FLAD1: variants seen among roughly 807,000 people sequenced by gnomAD.
FLAD1 encodes flavin adenine dinucleotide synthetase 1.
A neutral mutation model predicts 55.0 loss-of-function variants in FLAD1; 35 were observed. The observed-to-expected ratio is 0.64, with a 90% CI of 0.49 to 0.84. FLAD1 has a LOEUF of 0.84. Ranked by LOEUF, FLAD1 falls within the 40% of genes least tolerant of loss-of-function variation. FLAD1 has a pLI of 0.00. For missense variants in FLAD1, 665 were observed against 742.6 expected, an observed-to-expected ratio of 0.90 and a Z score of 1.21; for synonymous variants, 267 against 303.0, an observed-to-expected ratio of 0.88 and a Z score of 1.23.
At chr1:154,992,239 T>C (rs1657908692) in intron 5 of FLAD1, among the ~76,000 whole-genome samples, 1 of 151,210 alleles carries the variant, frequency 6.6e-6, no homozygotes, top group African/African-American at 2.4e-5. Context: ...AGTCAGGAGA[T>C]GGAGACCATC....
In FLAD1 at chr1:154,990,783, A is replaced by G. The variant is rs545715257; in HGVS notation, c.1554+255A>G. On this transcript the variant is annotated intron_variant, in intron 5 of 6. Transcript: ENST00000292180. Reference sequence around the variant, plus strand: ...ACTTGTGCTGTCCAATATAGCCATTAATTATTTATTTATACTTAAATTTTA... The same window carrying G: ...ACTTGTGCTGTCCAATATAGCCATTGATTATTTATTTATACTTAAATTTTA... 4.2e-5 allele frequency: 15 copies of G among 354,872 alleles called. No individual in the cohort carries two copies. The South Asian group carries it at 1.6e-3, about 38-fold the overall frequency. The allele number at this position is 354,872 out of a possible 1,614,324, so 22.0% of individuals were successfully genotyped here.
rs140409443 is a variant in FLAD1 at position 154,988,175 on chromosome 1, G to A, written c.443G>A (p.Arg148Gln). 5.2e-4 allele frequency: 843 copies of A among 1,614,198 alleles called. 2 individuals carry two copies. The highest frequency in any genetic ancestry group is 2.0e-3 in the South Asian group (183 of 91,082). ...CGCTCCCTAGGGGTCCAGGTTTGCC[G>A]AGTCTCAGTTGTACCTGATGAGGTA... ...TLRSLGVQVC[R>Q]VSVVPDEVAT... The change falls in exon 2 of 7, where the codon CGA becomes CAA. Residue 148 changes from arginine (R) to glutamine (Q), a missense_variant. Physicochemically the swap from Arg to Gln is conservative, Grantham distance 43. Coordinates refer to ENST00000292180, the MANE Select transcript of FLAD1 (RefSeq NM_025207.5).
chr1:154,988,517 G>A lies in FLAD1; in HGVS notation c.785G>A (p.Arg262Gln), dbSNP rs370985969. 523 of 1,614,244 alleles carry A rather than the reference G, an allele frequency of 3.2e-4. 9 individuals carry two copies. In the South Asian group the frequency reaches 5.4e-3, roughly 17 times the overall value. ...YLFPGIPELL[R>Q]RVLEGMKGLF... ...TTCCCAGGCATTCCAGAGCTGCTGC[G>A]GCGGGTGCTGGAGGGGATGAAGGGA... The change falls in exon 2 of 7, where the codon CGG becomes CAG. Residue 262 changes from arginine (R) to glutamine (Q), a missense_variant. Transcript: ENST00000292180.
At chr1:154,985,604 G>A (rs1459685850) in intron 1 of FLAD1, among the ~76,000 whole-genome samples, 1 of 150,532 alleles carries the variant, frequency 6.6e-6, no homozygotes, top group Non-Finnish European at 1.5e-5. Flanking sequence ...ATGGGGTTTC[G>A]CCATGTTGGC....
intron 5 of FLAD1, among the ~76,000 whole-genome samples, chr1:154,992,178 C>T (rs993554359): frequency 1.1e-4 from 16 of 147,770 alleles, no homozygotes; most frequent in African/African-American, 4.1e-4. Flanking sequence ...GGCATGGTGG[C>T]ACACGCCTGT....
At chr1:154,984,712 A>C (rs954373656) in intron 1 of FLAD1, among the ~76,000 whole-genome samples, 2 of 150,892 alleles carry the variant, frequency 1.3e-5, no homozygotes, top group Non-Finnish European at 3.0e-5. Flanking sequence ...CCGTCTCAAA[A>C]AAAAAAAAAA....
In FLAD1 at chr1:154,988,782, G is replaced by A. The variant is rs1338397855; in HGVS notation, c.1050G>A (p.Ser350=). 7.4e-6 allele frequency: 12 copies of A among 1,614,200 alleles called. No individual in the cohort carries two copies. The highest frequency in any genetic ancestry group is 1.6e-4 in the Middle Eastern group (1 of 6,062). Residue 350 remains serine (S), a synonymous_variant, in exon 2 of 7, where the codon TCG becomes TCA. Coordinates refer to ENST00000292180, the MANE Select transcript of FLAD1 (RefSeq NM_025207.5). ...TGACTGCCCGTTTGCCCCAGGGATCGCTGGTCCCCTACATGCCCAACGCTG... is the reference window on the plus strand; with the variant it reads ...TGACTGCCCGTTTGCCCCAGGGATCACTGGTCCCCTACATGCCCAACGCTG... The part of the protein sequence containing the change: ...AYLTARLPQG[S]LVPYMPNAVE...
chr1:154,992,556 C>T (rs929051386), intron 5 of FLAD1, 157 bp from the exon 6 acceptor site: 2 of 1,611,920 alleles, frequency 1.2e-6, no homozygotes, highest in Non-Finnish European at 8.5e-7. Flanking sequence ...TTTCTCTTTG[C>T]ATACATAGAG....
At chr1:154,985,818 T>A (rs1400347980) in intron 1 of FLAD1, among the ~76,000 whole-genome samples, 1 of 146,030 alleles carries the variant, frequency 6.8e-6, no homozygotes, top group Non-Finnish European at 1.5e-5. Flanking sequence ...CTCCGCCTCC[T>A]GGGTTCAAGC....
intron 3 of FLAD1, 57 bp from the exon 4 acceptor site, chr1:154,990,102 A>G (rs1571487994): frequency 4.4e-6 from 6 of 1,376,620 alleles, no homozygotes; most frequent in Non-Finnish European, 6.2e-6. Flanking sequence ...GAGCTGTTTC[A>G]GGGGAGCCAT....
chr1:154,984,404 G>T (rs929665483), intron 1 of FLAD1, among the ~76,000 whole-genome samples: 1 of 152,094 alleles, frequency 6.6e-6, no homozygotes, highest in Admixed American at 6.6e-5. Context: ...GGAGGTACAG[G>T]TGTGTGTATT....
At chr1:154,984,209 G>C (rs1196687966) in intron 1 of FLAD1, 143 bp downstream of exon 1, 2 of 670,092 alleles carry the variant, frequency 3.0e-6, no homozygotes, top group Admixed American at 4.0e-5. Context: ...CAGCATATTG[G>C]AGGAAAATTA....
rs755015538 is a variant in FLAD1 at position 154,992,933 on chromosome 1, G to A, written c.1660G>A (p.Val554Met). 1.6e-5 allele frequency: 26 copies of A among 1,613,836 alleles called. No individual in the cohort carries two copies. The highest frequency in any genetic ancestry group is 1.3e-4 in the Admixed American group (8 of 59,992). Reference sequence around the variant, plus strand: ...ATCACTGGGGAGTCGGGAGAATACCGTGCGGAACCCGGCCCTGAAGTGCCT... The same window carrying A: ...ATCACTGGGGAGTCGGGAGAATACCATGCGGAACCCGGCCCTGAAGTGCCT... Reference protein sequence around the residue: ...YTSLGSRENTVRNPALKCLSP... With the variant: ...YTSLGSRENTMRNPALKCLSP... Residue 554 changes from valine to methionine, a missense_variant, in exon 7 of 7, where the codon GTG becomes ATG. By Grantham distance (21) the Val-to-Met change is conservative. Coordinates refer to ENST00000292180, the MANE Select transcript of FLAD1 (RefSeq NM_025207.5).
chr1:154,983,625 C>T lies in FLAD1; in HGVS notation c.-70C>T, dbSNP rs184478074. The T allele has an allele frequency of 1.7e-5, 26 of 1,509,436 alleles. No individual in the cohort carries two copies. The highest frequency in any genetic ancestry group is 2.8e-5 in the African/African-American group (2 of 72,082). 93.5% of individuals were successfully genotyped at this position (1,509,436 alleles called of 1,614,324 possible). ...AGACCAGCTCAGCAAACGGAAGACA[C>T]TTAAAGTGGTAGGTTCTCAAGAGAG... is the stretch of plus-strand genomic sequence containing the variant. On this transcript the variant is annotated 5_prime_UTR_variant, in exon 1 of 7. Coordinates refer to ENST00000292180, the MANE Select transcript of FLAD1 (RefSeq NM_025207.5).
At position 154,988,421 on chromosome 1, in the gene FLAD1, A is replaced by C. The variant is rs750044923; in HGVS notation, c.689A>C (p.His230Pro). The C allele has an allele frequency of 7.4e-6, 12 of 1,614,120 alleles. No individual in the cohort carries two copies. The East Asian group carries it at 2.2e-4, about 30-fold the overall frequency. Residue 230 changes from histidine (H) to proline (P), a missense_variant, in exon 2 of 7, where the codon CAT becomes CCT. By Grantham distance (77) the His-to-Pro change is moderately conservative. Transcript: ENST00000292180. ...TTGGTGCCCTCCTCTGCCCGCCTGC[A>C]TTATGGCACAGATCCTTGCACTGGT... ...LSLVPSSARL[H>P]YGTDPCTGQP...
Position 154,988,470 on chromosome 1 carries a change from C to T in FLAD1, c.738C>T (p.Val246=). 1 of 1,614,248 alleles carries T rather than the reference C, an allele frequency of 6.2e-7. No individual in the cohort carries two copies. Among genetic ancestry groups the T allele is most frequent in the Non-Finnish European group, 8.5e-7 (1 of 1,180,046 alleles). ...GTCAACCTTTCAGATTCCCTCTGGT[C>T]TCCGTCCGAAACGTCTACCTCTTCC... ...CTGQPFRFPL[V]SVRNVYLFPG... The change falls in exon 2 of 7, where the codon GTC becomes GTT. Residue 246 remains valine (V), a synonymous_variant. Transcript: ENST00000292180.
Position 154,988,091 on chromosome 1 carries a change from C to T in FLAD1, c.373-14C>T, listed in dbSNP as rs780088175. ...TACAGTACTGATGGCCTCATCTTCCCCTTCAACCCCCAGGGACACACTCAG... is the reference window on the plus strand; with the variant it reads ...TACAGTACTGATGGCCTCATCTTCCTCTTCAACCCCCAGGGACACACTCAG... On this transcript the variant is annotated splice_polypyrimidine_tract_variant and intron_variant, in intron 1 of 6. Transcript: ENST00000292180. The T allele has an allele frequency of 3.7e-6, 6 of 1,614,164 alleles. No individual in the cohort carries two copies. The highest frequency in any genetic ancestry group is 4.2e-6 in the Non-Finnish European group (5 of 1,180,022).
In FLAD1 at chr1:154,988,630, G is replaced by A. The variant is rs749132277; in HGVS notation, c.898G>A (p.Ala300Thr). Residue 300 changes from alanine to threonine, a missense_variant, in exon 2 of 7, where the codon GCC becomes ACC. Ala to Thr is a moderately conservative substitution (Grantham distance 58). Coordinates refer to ENST00000292180, the MANE Select transcript of FLAD1 (RefSeq NM_025207.5). ...CTCCATCGCCCCCATTCTGGCTGAGGCCCAGGCCCACTTTGGACGTAGGCT... is the reference window on the plus strand; with the variant it reads ...CTCCATCGCCCCCATTCTGGCTGAGACCCAGGCCCACTTTGGACGTAGGCT... ...EASIAPILAE[A>T]QAHFGRRLGL... is the part of the protein sequence containing the mutation. The A allele has an allele frequency of 1.2e-6, 2 of 1,614,224 alleles. No individual in the cohort carries two copies. The highest frequency in any genetic ancestry group is 1.7e-6 in the Non-Finnish European group (2 of 1,180,054).
rs370630919 is a variant in FLAD1, at chr1:154,992,950, G to T, written c.1677G>T (p.Leu559=). ...AGAATACCGTGCGGAACCCGGCCCT[G>T]AAGTGCCTGAGCCCAGGAGGACACC... ...SRENTVRNPA[L]KCLSPGGHPT... The change falls in exon 7 of 7, where the codon CTG becomes CTT. Residue 559 remains leucine, a synonymous_variant. Coordinates refer to ENST00000292180, the MANE Select transcript of FLAD1 (RefSeq NM_025207.5). 1 of 1,613,908 alleles carries T rather than the reference G, an allele frequency of 6.2e-7. No individual in the cohort carries two copies. Among genetic ancestry groups the T allele is most frequent in the African/African-American group, 1.3e-5 (1 of 74,848 alleles).
Sources: allele counts gnomAD v4.1 joint callset (sites outside exome capture counted in the v4.1 genomes callset), GRCh38; gene constraint gnomAD v4.1.1; transcripts MANE v1.5; gene names NCBI Gene and HGNC (gene_info 2026-07-23, HGNC 2026-07-21).